Variants in CDK13 observed in about 807,000 individuals in gnomAD.
CDK13 encodes the protein cyclin dependent kinase 13, also known as cyclin-dependent kinase 13.
In CDK13, 40 loss-of-function variants were observed where a neutral mutation model predicts 137.6. That is an observed-to-expected ratio of 0.29 (90% CI 0.23 to 0.38). The LOEUF is 0.38. Ranked by LOEUF, CDK13 falls within the 10% of genes least tolerant of loss-of-function variation. The pLI, the probability that CDK13 is intolerant of heterozygous loss-of-function variation, is 1.00. For synonymous variants in CDK13, 869 were observed against 760.1 expected, an observed-to-expected ratio of 1.14 and a Z score of -2.36; for missense variants, 1,704 against 1,951.8, an observed-to-expected ratio of 0.87 and a Z score of 2.39.
At chr7:40,063,630 C>A (rs921588185) in intron 9 of CDK13, among the ~76,000 whole-genome samples, 1 of 152,012 alleles carries the variant, frequency 6.6e-6, no homozygotes, top group South Asian at 2.1e-4. Context: ...ACATTTTAGT[C>A]GCTTTTCTCT....
At chr7:40,049,163 C>T (rs1433290030) in intron 7 of CDK13, 3 of 128,302 alleles carry the variant, frequency 2.3e-5, no homozygotes, top group Non-Finnish European at 4.7e-5. Flanking sequence ...CCACTGTACT[C>T]CAGCAAGACT....
intron 9 of CDK13, 37 bp downstream of exon 9, chr7:40,063,137 GAGTGTCA>G: frequency 2.1e-6 from 3 of 1,455,422 alleles, no homozygotes; most frequent in Non-Finnish European, 2.9e-6. Context: ...GGAATTGGGA[GAGTGTCA>G]TACTCCACAG....
chr7:40,003,084 C>G (rs1040845726), intron 5 of CDK13, among the ~76,000 whole-genome samples: 1 of 146,042 alleles, frequency 6.8e-6, no homozygotes, highest in Non-Finnish European at 1.5e-5. Context: ...TCTCTAAAAA[C>G]GAAAAGAAAA....
chr7:40,010,511 C>T (rs111315974), intron 5 of CDK13, among the ~76,000 whole-genome samples: 18,970 of 152,132 alleles, frequency 0.12, 1,557 homozygotes, highest in Middle Eastern at 0.18. Context: ...TGGGGAAACC[C>T]CGTCTCTACT....
At chr7:40,037,428 CT>C (rs1785508686) in intron 5 of CDK13, among the ~76,000 whole-genome samples, 1 of 152,140 alleles carries the variant, frequency 6.6e-6, no homozygotes, top group Non-Finnish European at 1.5e-5. Context: ...TTACATGGGC[CT>C]TCCACAAAGT....
chr7:40,006,038 A>T (rs971556056), intron 5 of CDK13, among the ~76,000 whole-genome samples: 2 of 152,186 alleles, frequency 1.3e-5, no homozygotes, highest in Admixed American at 6.5e-5. Context: ...AACTTTTTCT[A>T]AACTAATTGG....
At chr7:40,000,129 A>G (rs1784652519) in intron 4 of CDK13, among the ~76,000 whole-genome samples, 1 of 152,208 alleles carries the variant, frequency 6.6e-6, no homozygotes, top group Non-Finnish European at 1.5e-5. Context: ...TAATCCTAGC[A>G]CTTTGGGAGG....
At chr7:40,016,998 G>GT (rs745329835) in intron 5 of CDK13, among the ~76,000 whole-genome samples, 54 of 152,044 alleles carry the variant, frequency 3.6e-4, no homozygotes, top group Admixed American at 6.5e-4. Context: ...CCAGAGTCAC[G>GT]TTTTTTCAGT....
chr7:39,950,845 CGCCGCA>C lies in CDK13; in HGVS notation c.210_215del (p.Ala75_Ala76del). The C allele has an allele frequency of 1.5e-6, 2 of 1,374,186 alleles. No individual in the cohort carries two copies. The highest frequency in any genetic ancestry group is 1.9e-6 in the Non-Finnish European group (2 of 1,074,696). The allele number at this position is 1,374,186 out of a possible 1,614,324, so 85.1% of individuals were successfully genotyped here. On this transcript the variant is annotated inframe_deletion, in exon 1 of 14. Coordinates refer to ENST00000181839, the MANE Select transcript of CDK13 (RefSeq NM_003718.5). ...TCCTGGCTGCTCCCGGCACGGCCGC[CGCCGCA>C]GCCGCCGCCGCCGCGGCCTCCTCCT...
chr7:40,058,370 A>G (rs1786066208), intron 7 of CDK13, among the ~76,000 whole-genome samples: 1 of 152,016 alleles, frequency 6.6e-6, no homozygotes. Flanking sequence ...GCTTAATAAA[A>G]AAACTGAAAA....
intron 1 of CDK13, among the ~76,000 whole-genome samples, chr7:39,967,490 C>T (rs1583919439): frequency 6.6e-6 from 1 of 151,822 alleles, no homozygotes; most frequent in Non-Finnish European, 1.5e-5. Context: ...AAAATCCGTT[C>T]ATCTAACAAT....
chr7:40,088,177 A>G lies in CDK13; in HGVS notation c.3081A>G (p.Arg1027=). The G allele has an allele frequency of 6.2e-7, 1 of 1,614,014 alleles. No individual in the cohort carries two copies. Among genetic ancestry groups the G allele is most frequent in the Non-Finnish European group, 8.5e-7 (1 of 1,179,996 alleles). ...AGTTATGGAGTAAAAAGCGAAGAAG[A>G]CAGAAGCAGATGGGCATGACTGATG... ...CHELWSKKRR[R]QKQMGMTDDV... is the part of the protein sequence containing the mutation. The change falls in exon 12 of 14, where the codon AGA becomes AGG. Residue 1027 remains arginine (R), a synonymous_variant. Transcript: ENST00000181839.
chr7:40,064,799 T>C (rs915053796), intron 9 of CDK13, among the ~76,000 whole-genome samples: 16 of 149,048 alleles, frequency 1.1e-4, no homozygotes, highest in African/African-American at 3.3e-4. Context: ...TTTTTTTTTT[T>C]CCTGTTTTTT....
intron 2 of CDK13, among the ~76,000 whole-genome samples, chr7:39,990,919 GA>G (rs1253997564): frequency 1.3e-5 from 2 of 152,078 alleles, no homozygotes; most frequent in African/African-American, 4.8e-5. Flanking sequence ...TTAGATTATT[GA>G]AAAAAAGTAA....
chr7:39,972,520 C>T (rs1478477169), intron 1 of CDK13, among the ~76,000 whole-genome samples: 1 of 152,186 alleles, frequency 6.6e-6, no homozygotes. Context: ...TGATTTCTTT[C>T]TGTCTTTGTA....
At chr7:40,027,110 G>A (rs1411938407) in intron 5 of CDK13, among the ~76,000 whole-genome samples, 2 of 152,154 alleles carry the variant, frequency 1.3e-5, no homozygotes, top group Non-Finnish European at 2.9e-5. Context: ...TTGGGAGCCC[G>A]AGGCGGGTGG....
chr7:40,074,589 G>A (rs940949531), intron 9 of CDK13, among the ~76,000 whole-genome samples: 6 of 151,824 alleles, frequency 4.0e-5, no homozygotes, highest in Admixed American at 3.9e-4. Flanking sequence ...GGGCTCAGTG[G>A]CTTATGCCTG....
chr7:40,064,161 A>G (rs1344011344), intron 9 of CDK13, among the ~76,000 whole-genome samples: 1 of 151,730 alleles, frequency 6.6e-6, no homozygotes, highest in Non-Finnish European at 1.5e-5. Context: ...GCCCACGCCT[A>G]TAATCCCAAC....
rs66520870 is a variant in CDK13, at chr7:39,991,484, A to AGTGTGTGTGTGT, written c.1871+3255_1871+3266dup. On this transcript the variant is annotated intron_variant, in intron 2 of 13. Transcript: ENST00000181839. ...TTGTATCCACAAATACATTAGCAAA[A>AGTGTGTGTGTGT]GTGTGTGTGTGTGTGTGTGTGTGTG... Among the ~76,000 whole-genome samples the AGTGTGTGTGTGT allele has an allele frequency of 3.5e-5, 5 of 143,774 alleles. No homozygotes were observed. In the East Asian group the frequency reaches 8.4e-4, roughly 24 times the overall value. The allele number at this position is 143,774 out of a possible 152,430, so 94.3% of individuals were successfully genotyped here.
Sources: gnomAD v4.1 joint callset for allele counts (sites outside exome capture counted in the v4.1 genomes callset) on GRCh38, gnomAD v4.1.1 for gene constraint, MANE v1.5 for transcripts, NCBI Gene and HGNC (gene_info 2026-07-23, HGNC 2026-07-21) for gene names.